Variants in CERS6 observed in about 807,000 individuals in gnomAD.
CERS6 encodes the protein LAG1 homolog, ceramide synthase 6.
Under a neutral mutation model 56.8 loss-of-function variants are expected in CERS6, and 26 were observed. That is an observed-to-expected ratio of 0.46 (90% CI 0.34 to 0.63). The LOEUF (loss-of-function observed/expected upper bound fraction) is 0.63, where lower values mean the gene tolerates loss of function less well. Ranked by LOEUF, CERS6 falls within the 30% of genes least tolerant of loss-of-function variation. The pLI is 0.01. For synonymous variants in CERS6, 164 were observed against 173.3 expected (o/e 0.95, Z 0.42); for missense variants, 415 against 467.5 (o/e 0.89, Z 1.04).
chr2:168,681,888 C>T (rs1250576400), intron 4 of CERS6, among the ~76,000 whole-genome samples: 1 of 152,146 alleles, frequency 6.6e-6, no homozygotes, highest in Non-Finnish European at 1.5e-5. Context: ...ACCTGAGGTA[C>T]TTGTCTTTCG....
At position 168,512,356 on chromosome 2, in the gene CERS6, A is replaced by G. The variant is rs2105351127; in HGVS notation, c.171-35240A>G. ...GTAAATTTTTTGCTGTATGTATTTT[A>G]CCACAATTAAAAAAAAGATATAGGA... On this transcript the variant is annotated intron_variant, in intron 1 of 9. Transcript: ENST00000305747. Among the ~76,000 whole-genome samples, 2 of 152,190 alleles carry G rather than the reference A, an allele frequency of 1.3e-5. 1 individual carries two copies. Among genetic ancestry groups the G allele is most frequent in the South Asian group, 4.1e-4 (2 of 4,822 alleles).
At chr2:168,634,219 A>G (rs972644724) in intron 4 of CERS6, among the ~76,000 whole-genome samples, 3 of 152,234 alleles carry the variant, frequency 2.0e-5, no homozygotes, top group African/African-American at 7.2e-5. Context: ...ATCTTATTCT[A>G]TAATTGCTGT....
intron 4 of CERS6, among the ~76,000 whole-genome samples, chr2:168,677,408 C>T (rs934548946): frequency 6.6e-6 from 1 of 152,130 alleles, no homozygotes; most frequent in African/African-American, 2.4e-5. Flanking sequence ...TTTCTTTATC[C>T]AGTCTAACAT....
At chr2:168,604,260 G>T (rs539462986) in intron 3 of CERS6, among the ~76,000 whole-genome samples, 3 of 152,140 alleles carry the variant, frequency 2.0e-5, no homozygotes, top group Non-Finnish European at 4.4e-5. Flanking sequence ...TACTTGAAAG[G>T]TTATGCTTTT....
At chr2:168,622,632 GAAT>G (rs1480896787) in intron 3 of CERS6, among the ~76,000 whole-genome samples, 11 of 152,200 alleles carry the variant, frequency 7.2e-5, no homozygotes, top group Admixed American at 2.0e-4. Flanking sequence ...AATGAAAAGT[GAAT>G]AGGTGAATGG....
chr2:168,572,753 G>T (rs1388258847), intron 3 of CERS6, among the ~76,000 whole-genome samples: 3 of 152,088 alleles, frequency 2.0e-5, no homozygotes, highest in African/African-American at 2.4e-5. Context: ...AGCACTTGGA[G>T]ACTTGCCGTG....
At chr2:168,704,889 C>T (rs1686900129) in intron 6 of CERS6, among the ~76,000 whole-genome samples, 1 of 152,222 alleles carries the variant, frequency 6.6e-6, no homozygotes, top group African/African-American at 2.4e-5. Context: ...TGAGCCTCCG[C>T]ACCCGGCCGC....
At chr2:168,618,399 A>G (rs530653310) in intron 3 of CERS6, among the ~76,000 whole-genome samples, 1 of 152,322 alleles carries the variant, frequency 6.6e-6, no homozygotes, top group Admixed American at 6.5e-5. Context: ...GACAAGAGAA[A>G]GAAATAAAAG....
At chr2:168,518,445 T>C (rs554022328) in intron 1 of CERS6, among the ~76,000 whole-genome samples, 1 of 152,358 alleles carries the variant, frequency 6.6e-6, no homozygotes, top group Non-Finnish European at 1.5e-5. Flanking sequence ...ATGGGATTTC[T>C]GAATATTTCA....
In CERS6 at chr2:168,690,931, T is replaced by C. The variant is rs1216933955; in HGVS notation, c.466-103T>C. The C allele has an allele frequency of 2.9e-6, 3 of 1,027,020 alleles. No individual in the cohort carries two copies. In the Admixed American group the frequency reaches 5.7e-5, roughly 19 times the overall value. 63.6% of individuals were successfully genotyped at this position (1,027,020 alleles called of 1,614,324 possible). ...TTTGTCAGTTCTCACACAGGTAAATTATTGAAATCCAAAAATATTAGGGCA... is the reference window on the plus strand; with the variant it reads ...TTTGTCAGTTCTCACACAGGTAAATCATTGAAATCCAAAAATATTAGGGCA... On this transcript the variant is annotated intron_variant, in intron 4 of 9. Coordinates refer to ENST00000305747, the MANE Select transcript of CERS6 (RefSeq NM_203463.3).
chr2:168,543,160 C>G (rs1310824672), intron 1 of CERS6, among the ~76,000 whole-genome samples: 2 of 152,276 alleles, frequency 1.3e-5, no homozygotes, highest in South Asian at 2.1e-4. Context: ...TTAACTGAGA[C>G]TAGTATTTTT....
chr2:168,712,857 C>T (rs1348468065), intron 6 of CERS6, among the ~76,000 whole-genome samples: 2 of 151,974 alleles, frequency 1.3e-5, no homozygotes, highest in African/African-American at 4.8e-5. Flanking sequence ...GACTAGCTTC[C>T]TCATCATCTT....
chr2:168,768,914 A>G (rs1001861908), intron 9 of CERS6, among the ~76,000 whole-genome samples: 1 of 150,928 alleles, frequency 6.6e-6, no homozygotes, highest in Non-Finnish European at 1.5e-5. Context: ...CAAAAAAAAA[A>G]AAAAAAAAGA....
intron 3 of CERS6, among the ~76,000 whole-genome samples, chr2:168,615,076 G>A (rs1684283778): frequency 6.6e-6 from 1 of 152,056 alleles, no homozygotes; most frequent in African/African-American, 2.4e-5. Flanking sequence ...CCAGCCCAGA[G>A]CCTGGTAGAC....
At chr2:168,593,606 A>G (rs749676017) in intron 3 of CERS6, among the ~76,000 whole-genome samples, 3 of 152,176 alleles carry the variant, frequency 2.0e-5, no homozygotes, top group African/African-American at 4.8e-5. Context: ...AATAGAAGAT[A>G]TTAGCCCATT....
intron 1 of CERS6, among the ~76,000 whole-genome samples, chr2:168,488,878 A>G (rs545672078): frequency 2.6e-5 from 4 of 152,260 alleles, no homozygotes; most frequent in South Asian, 4.1e-4. Flanking sequence ...ATCATGATGT[A>G]TATTACATCT....
intron 9 of CERS6, 149 bp downstream of exon 9, chr2:168,765,897 T>A: frequency 1.4e-6 from 1 of 715,534 alleles, no homozygotes; most frequent in Non-Finnish European, 2.3e-6. Flanking sequence ...CTTTTCTAGT[T>A]CATTTTTTAA....
intron 4 of CERS6, among the ~76,000 whole-genome samples, chr2:168,678,862 G>A (rs548383817): frequency 6.6e-6 from 1 of 152,314 alleles, no homozygotes; most frequent in Non-Finnish European, 1.5e-5. Context: ...AAATCAGTAT[G>A]TCAAAGAGAT....
intron 1 of CERS6, among the ~76,000 whole-genome samples, chr2:168,532,487 A>C (rs1216576537): frequency 6.6e-6 from 1 of 151,344 alleles, no homozygotes; most frequent in Non-Finnish European, 1.5e-5. Flanking sequence ...TTTTTTTTCT[A>C]TCTGTACAGG....
Sources: gnomAD v4.1 joint callset for allele counts (sites outside exome capture counted in the v4.1 genomes callset) on GRCh38, gnomAD v4.1.1 for gene constraint, MANE v1.5 for transcripts, NCBI Gene and HGNC (gene_info 2026-07-23, HGNC 2026-07-21) for gene names.